Variants in ARHGAP21 observed in about 807,000 individuals in gnomAD.
ARHGAP21 encodes the protein rho GTPase-activating protein 21.
ARHGAP21 carries 38 observed loss-of-function variants against 164.6 expected under a neutral mutation model. That is an observed-to-expected ratio of 0.23 (90% CI 0.18 to 0.30). The LOEUF is 0.30. Among genes scored for constraint, ARHGAP21 ranks in the 10% least tolerant of loss-of-function variants. The probability of loss-of-function intolerance (pLI) is 1.00; values close to 1 mark genes in which losing one functional copy is unlikely to be tolerated. For synonymous variants in ARHGAP21, 766 were observed against 857.9 expected (o/e 0.89, Z 1.87); for missense variants, 1,822 against 2,370.7 (o/e 0.77, Z 4.81).
rs180979968 is a variant in ARHGAP21, at chr10:24,612,834, A to G, written c.2423-4931T>C. Among the ~76,000 whole-genome samples the G allele has an allele frequency of 1.4e-4, 22 of 151,806 alleles. No individual in the cohort carries two copies. The East Asian group carries it at 1.6e-3, about 11-fold the overall frequency. ...CAGGCTGCTGCACTCCAGCCTGGGC[A>G]ACAGAGCAAGACTCTGTTTCAAAAA... is the stretch of plus-strand genomic sequence containing the variant. On this transcript the variant is annotated intron_variant, in intron 9 of 25. Transcript: ENST00000396432.
At chr10:24,651,798 CA>C (rs1382389473) in intron 4 of ARHGAP21, among the ~76,000 whole-genome samples, 1 of 152,108 alleles carries the variant, frequency 6.6e-6, no homozygotes, top group African/African-American at 2.4e-5. Context: ...ATTCATAGAT[CA>C]AAAGATTCCA....
At chr10:24,650,059 G>A (rs1316700944) in intron 4 of ARHGAP21, among the ~76,000 whole-genome samples, 1 of 152,078 alleles carries the variant, frequency 6.6e-6, no homozygotes, top group South Asian at 2.1e-4. Flanking sequence ...AGAAAAACTA[G>A]AGAATTTAGT....
At chr10:24,682,728 G>A (rs751883138) in intron 2 of ARHGAP21, among the ~76,000 whole-genome samples, 2 of 151,888 alleles carry the variant, frequency 1.3e-5, no homozygotes, top group Non-Finnish European at 2.9e-5. Context: ...GTCGACAATG[G>A]GAAATGCTTT....
Position 24,592,024 on chromosome 10 carries a change from G to A in ARHGAP21, c.3877-12C>T. ...TTTCTTGGTTCCATCTGAAAGAAAG[G>A]ATGATACTGGGAAATACCAGAATTT... is the stretch of plus-strand genomic sequence containing the variant. On this transcript the variant is annotated splice_polypyrimidine_tract_variant and intron_variant, in intron 21 of 25. Coordinates refer to ENST00000396432, the MANE Select transcript of ARHGAP21 (RefSeq NM_020824.4). 2 of 1,573,490 alleles carry A rather than the reference G, an allele frequency of 1.3e-6. No homozygotes were observed. Among genetic ancestry groups the A allele is most frequent in the Non-Finnish European group, 1.7e-6 (2 of 1,160,582 alleles).
rs1466758293 is a variant in ARHGAP21, at chr10:24,665,827, A to G, written c.268+1158T>C. ...GAAAATGAAGGACATTCTAAAAAAT[A>G]ACTGATCAGTACTAGTAATAAAATA... On this transcript the variant is annotated intron_variant, in intron 4 of 25. Transcript: ENST00000396432. Among the ~76,000 whole-genome samples, 3 of 152,358 alleles carry G rather than the reference A, an allele frequency of 2.0e-5. No homozygotes were observed. In the East Asian group the frequency reaches 5.8e-4, roughly 29 times the overall value.
chr10:24,612,709 G>A (rs2077319033), intron 9 of ARHGAP21, among the ~76,000 whole-genome samples: 1 of 152,070 alleles, frequency 6.6e-6, no homozygotes, highest in Non-Finnish European at 1.5e-5. Flanking sequence ...AAAAAAATTA[G>A]CCAGGTGTGG....
At chr10:24,656,011 C>T (rs1196898390) in intron 4 of ARHGAP21, among the ~76,000 whole-genome samples, 6 of 142,170 alleles carry the variant, frequency 4.2e-5, no homozygotes, top group African/African-American at 8.2e-5. Context: ...GGAGCCCCTC[C>T]GCCCGGCAGC....
At chr10:24,603,637 T>C (rs1317965238) in intron 12 of ARHGAP21, among the ~76,000 whole-genome samples, 3 of 152,156 alleles carry the variant, frequency 2.0e-5, no homozygotes, top group African/African-American at 2.4e-5. Flanking sequence ...TGGTTTTTAA[T>C]AGGATAATGG....
chr10:24,721,793 C>G (rs375759714), intron 2 of ARHGAP21, 44 bp downstream of exon 2: 3 of 1,608,716 alleles, frequency 1.9e-6, no homozygotes, highest in Non-Finnish European at 2.5e-6. Flanking sequence ...GCTCAAGACA[C>G]AGGCCACCGC....
intron 4 of ARHGAP21, among the ~76,000 whole-genome samples, chr10:24,640,631 C>T (rs7092130): frequency 0.91 from 138,049 of 152,124 alleles, 62,810 homozygotes; most frequent in East Asian, 0.99. Context: ...CAAGCATCAG[C>T]TATTTAAGGG....
intron 2 of ARHGAP21, among the ~76,000 whole-genome samples, chr10:24,688,437 AAC>A (rs2131975773): frequency 1.3e-5 from 2 of 152,252 alleles, no homozygotes; most frequent in East Asian, 3.9e-4. Flanking sequence ...TATAGAACAG[AAC>A]ACTGACACTC....
intron 9 of ARHGAP21, among the ~76,000 whole-genome samples, chr10:24,617,558 C>A (rs576995818): frequency 1.3e-5 from 2 of 151,920 alleles, no homozygotes; most frequent in East Asian, 3.9e-4. Flanking sequence ...AATATGGGTA[C>A]AATTTAGGTT....
chr10:24,622,600 C>A, intron 8 of ARHGAP21, 133 bp downstream of exon 8: 2 of 945,858 alleles, frequency 2.1e-6, no homozygotes, highest in Non-Finnish European at 3.0e-6. Context: ...ACGTATTCTG[C>A]AAATTAGTAA....
At position 24,596,068 on chromosome 10, in the gene ARHGAP21, T is replaced by C. The variant is rs375714767; in HGVS notation, c.3478-25A>G. On this transcript the variant is annotated intron_variant, in intron 17 of 25. Coordinates refer to ENST00000396432, the MANE Select transcript of ARHGAP21 (RefSeq NM_020824.4). ...ACTGCAAAACAAGAAATAAACATTT[T>C]ATTTAATGCAGCACAAATGTTTAGT... 6 of 1,554,796 alleles carry C rather than the reference T, an allele frequency of 3.9e-6. No individual in the cohort carries two copies. The African/African-American group carries it at 8.2e-5, about 21-fold the overall frequency.
intron 9 of ARHGAP21, among the ~76,000 whole-genome samples, chr10:24,613,198 T>C (rs941108768): frequency 7.9e-5 from 12 of 152,186 alleles, no homozygotes; most frequent in African/African-American, 2.9e-4. Context: ...CCATTTACAT[T>C]ATATTTAAAA....
rs867119840 is a variant in ARHGAP21, at chr10:24,596,742, G to A, written c.3475C>T (p.Arg1159Trp). Residue 1159 changes from arginine (R) to tryptophan (W), a missense_variant and splice_region_variant, in exon 17 of 26, where the codon CGG (arginine) becomes TGG (tryptophan). Transcript: ENST00000396432. ...LDDCPPAHTN[R>W]YIPLIVDICC... ...TCCGGTGGGCTGGTGTCTCCTACCC[G>A]ATTAGTATGAGCTGGTGGGCAGTCA... The A allele has an allele frequency of 1.9e-6, 3 of 1,613,338 alleles. No homozygotes were observed. Among genetic ancestry groups the A allele is most frequent in the Non-Finnish European group, 1.7e-6 (2 of 1,179,776 alleles).
At chr10:24,603,976 G>A (rs989911570) in intron 12 of ARHGAP21, among the ~76,000 whole-genome samples, 3 of 150,178 alleles carry the variant, frequency 2.0e-5, no homozygotes, top group Non-Finnish European at 3.0e-5. Flanking sequence ...TGATAAATAA[G>A]GAAATTCCTG....
intron 2 of ARHGAP21, among the ~76,000 whole-genome samples, chr10:24,685,580 T>TA (rs1425685558): frequency 1.3e-5 from 2 of 152,218 alleles, no homozygotes; most frequent in African/African-American, 4.8e-5. Flanking sequence ...ACCGTATTGA[T>TA]AGAATTGTCT....
chr10:24,595,841 C>A (rs2130834954), intron 18 of ARHGAP21, 46 bp from the exon 19 acceptor site: 1 of 1,593,938 alleles, frequency 6.3e-7, no homozygotes, highest in East Asian at 2.3e-5. Context: ...TCCAGTTCCA[C>A]CAAAGGGGGA....
Sources: gnomAD v4.1 joint callset for allele counts (sites outside exome capture counted in the v4.1 genomes callset) on GRCh38, gnomAD v4.1.1 for gene constraint, MANE v1.5 for transcripts, NCBI Gene and HGNC (gene_info 2026-07-23, HGNC 2026-07-21) for gene names.